Variants in ROBO1 observed in about 807,000 individuals in gnomAD.
ROBO1 encodes the protein roundabout homolog 1.
ROBO1 carries 149 observed loss-of-function variants against 195.9 expected under a neutral mutation model. The observed-to-expected ratio is 0.76, with a 90% confidence interval of 0.67 to 0.87. The LOEUF (loss-of-function observed/expected upper bound fraction) is 0.87, where lower values mean the gene tolerates loss of function less well. ROBO1 is among the 40% of genes least tolerant of loss of function. ROBO1 has a pLI of 0.00. For synonymous variants in ROBO1, 816 were observed against 733.2 expected (o/e 1.11, Z -1.82); for missense variants, 1,933 against 2,068.3 (o/e 0.93, Z 1.27).
At chr3:79,223,143 G>C (rs1257659935) in intron 2 of ROBO1, among the ~76,000 whole-genome samples, 5 of 152,096 alleles carry the variant, frequency 3.3e-5, no homozygotes, top group Non-Finnish European at 7.4e-5. Context: ...CAAAAGCCAA[G>C]TTTCTTCAAA....
chr3:79,580,934 C>T (rs755830557), intron 2 of ROBO1, among the ~76,000 whole-genome samples: 42 of 152,068 alleles, frequency 2.8e-4, no homozygotes, highest in Admixed American at 1.2e-3. Flanking sequence ...GCAATGGAAA[C>T]GTTTTCCAAA....
chr3:78,601,139 C>CTCTT (rs1703146326), intron 29 of ROBO1, among the ~76,000 whole-genome samples: 1 of 152,138 alleles, frequency 6.6e-6, no homozygotes, highest in Admixed American at 6.5e-5. Flanking sequence ...AAATACCTAA[C>CTCTT]TCTTTGGCAT....
At position 79,684,829 on chromosome 3, in the gene ROBO1, C is replaced by A. The variant is rs138845934; in HGVS notation, c.-51+82923G>T. Among the ~76,000 whole-genome samples the A allele has an allele frequency of 5.2e-3, 796 of 152,062 alleles. 3 individuals are homozygous for A. The highest frequency in any genetic ancestry group is 0.018 in the African/African-American group (758 of 41,508). Reference sequence around the variant, plus strand: ...TAGCTGGGACTATAGGTGCACGCTGCCACACCAGGTTAATTTTTTGTATTT... The same window carrying A: ...TAGCTGGGACTATAGGTGCACGCTGACACACCAGGTTAATTTTTTGTATTT... On this transcript the variant is annotated intron_variant, in intron 1 of 30. Coordinates refer to ENST00000464233, the MANE Select transcript of ROBO1 (RefSeq NM_002941.4).
intron 1 of ROBO1, among the ~76,000 whole-genome samples, chr3:79,618,721 A>G (rs1408955632): frequency 5.3e-5 from 8 of 152,144 alleles, no homozygotes; most frequent in African/African-American, 1.9e-4. Context: ...ATGGACGCAC[A>G]TGACATTTGG....
intron 1 of ROBO1, among the ~76,000 whole-genome samples, chr3:79,590,829 T>C (rs1406111093): frequency 1.3e-5 from 2 of 151,618 alleles, no homozygotes; most frequent in Non-Finnish European, 1.5e-5. Context: ...AGATAGATGA[T>C]AGATAGATAG....
At chr3:79,575,045 T>G (rs1482846927) in intron 2 of ROBO1, among the ~76,000 whole-genome samples, 3 of 147,974 alleles carry the variant, frequency 2.0e-5, no homozygotes, top group Non-Finnish European at 4.5e-5. Flanking sequence ...AATATTTTTT[T>G]GCAATCAGCA....
chr3:78,723,072 T>A (rs566319818), intron 5 of ROBO1, among the ~76,000 whole-genome samples: 1 of 152,288 alleles, frequency 6.6e-6, no homozygotes, highest in Non-Finnish European at 1.5e-5. Context: ...GGTCACATAA[T>A]AACATTTTGG....
intron 1 of ROBO1, among the ~76,000 whole-genome samples, chr3:79,659,689 G>A (rs148093318): frequency 6.6e-6 from 1 of 152,032 alleles, no homozygotes; most frequent in Non-Finnish European, 1.5e-5. Flanking sequence ...TAATTGGATA[G>A]AGAAGATAAT....
At chr3:79,565,822 T>G (rs1031278306) in intron 2 of ROBO1, among the ~76,000 whole-genome samples, 1 of 152,110 alleles carries the variant, frequency 6.6e-6, no homozygotes, top group Non-Finnish European at 1.5e-5. Flanking sequence ...CTTTTAGTAC[T>G]ATCAATGGAG....
At chr3:78,701,698 T>C (rs926242168) in intron 8 of ROBO1, among the ~76,000 whole-genome samples, 4 of 152,144 alleles carry the variant, frequency 2.6e-5, no homozygotes, top group African/African-American at 9.7e-5. Context: ...ATCCACAAAA[T>C]AACTTTTTAA....
chr3:79,417,045 C>T (rs1439661529), intron 2 of ROBO1, among the ~76,000 whole-genome samples: 1 of 152,098 alleles, frequency 6.6e-6, no homozygotes, highest in East Asian at 1.9e-4. Context: ...AAAAAATTAG[C>T]AGAACTCGCA....
chr3:79,413,610 TCTC>T (rs1439818590), intron 2 of ROBO1, among the ~76,000 whole-genome samples: 1 of 152,098 alleles, frequency 6.6e-6, no homozygotes, highest in Non-Finnish European at 1.5e-5. Flanking sequence ...TTATGAGAAA[TCTC>T]CTAATTTTTA....
At chr3:79,466,748 TA>T in intron 2 of ROBO1, among the ~76,000 whole-genome samples, 1 of 152,178 alleles carries the variant, frequency 6.6e-6, no homozygotes, top group Non-Finnish European at 1.5e-5. Flanking sequence ...TTAATTCACT[TA>T]AAAATGATTT....
intron 4 of ROBO1, among the ~76,000 whole-genome samples, chr3:78,840,823 G>A (rs1210131156): frequency 2.0e-5 from 3 of 152,108 alleles, no homozygotes; most frequent in Non-Finnish European, 4.4e-5. Context: ...CACTTTGGGA[G>A]GCTGAGGCAG....
intron 28 of ROBO1, among the ~76,000 whole-genome samples, chr3:78,610,253 C>G (rs1703731102): frequency 6.6e-6 from 1 of 152,108 alleles, no homozygotes. Context: ...ACTACTTTAA[C>G]AGATTTTTCA....
rs113413320 is a variant in ROBO1 at position 79,113,950 on chromosome 3, G to A, written c.172+11506C>T. On this transcript the variant is annotated intron_variant, in intron 3 of 30. Transcript: ENST00000464233. Reference sequence around the variant, plus strand: ...CCTTCAATTGCAATAATCCGCATGTGTCAAGGGCTGGGCCAGGTGGACATG... The same window carrying A: ...CCTTCAATTGCAATAATCCGCATGTATCAAGGGCTGGGCCAGGTGGACATG... Among the ~76,000 whole-genome samples the A allele has an allele frequency of 9.2e-5, 14 of 152,234 alleles. 1 individual carries two copies. The highest frequency in any genetic ancestry group is 3.1e-4 in the African/African-American group (13 of 41,534).
chr3:79,579,933 T>C (rs1283303636), intron 2 of ROBO1, among the ~76,000 whole-genome samples: 1 of 152,108 alleles, frequency 6.6e-6, no homozygotes, highest in Admixed American at 6.6e-5. Flanking sequence ...TTCCAGTTCA[T>C]TGTATTAGTG....
chr3:79,656,318 T>C (rs1253679751), intron 1 of ROBO1, among the ~76,000 whole-genome samples: 1 of 151,894 alleles, frequency 6.6e-6, no homozygotes, highest in Non-Finnish European at 1.5e-5. Flanking sequence ...ATAATGAAAT[T>C]ACTACCCATT....
chr3:79,215,554 C>A (rs1359757738), intron 2 of ROBO1, among the ~76,000 whole-genome samples: 2 of 152,190 alleles, frequency 1.3e-5, no homozygotes, highest in African/African-American at 4.8e-5. Flanking sequence ...TGAGGACCAG[C>A]AAACATTCTC....
Sources: gnomAD v4.1 joint callset for allele counts (sites outside exome capture counted in the v4.1 genomes callset) on GRCh38, gnomAD v4.1.1 for gene constraint, MANE v1.5 for transcripts, NCBI Gene and HGNC (gene_info 2026-07-23, HGNC 2026-07-21) for gene names.